RFX3: variants seen among roughly 807,000 people sequenced by gnomAD.
The protein encoded by RFX3 is regulatory factor X3.
A neutral mutation model predicts 98.6 loss-of-function variants in RFX3; 14 were observed. The ratio of observed to expected loss-of-function variants is 0.14; its 90% confidence interval spans 0.09 to 0.22. The LOEUF (loss-of-function observed/expected upper bound fraction) is 0.22, where lower values mean the gene tolerates loss of function less well. Ranked by LOEUF, RFX3 falls within the 10% of genes least tolerant of loss-of-function variation. The pLI is 1.00. For synonymous variants in RFX3, 383 were observed against 328.4 expected, an observed-to-expected ratio of 1.17 and a Z score of -1.80; for missense variants, 639 against 926.9, an observed-to-expected ratio of 0.69 and a Z score of 4.03.
intron 7 of RFX3, among the ~76,000 whole-genome samples, chr9:3,279,564 G>T (rs565649230): frequency 6.1e-4 from 92 of 151,846 alleles, no homozygotes; most frequent in Non-Finnish European, 1.1e-3. Context: ...CATACTACAG[G>T]TGCTTAATAG....
intron 2 of RFX3, among the ~76,000 whole-genome samples, chr9:3,357,570 A>G (rs2131335696): frequency 6.6e-6 from 1 of 152,146 alleles, no homozygotes; most frequent in East Asian, 1.9e-4. Context: ...ATTACAACCA[A>G]ATTTCACCGG....
Position 3,389,377 on chromosome 9 carries a change from G to A in RFX3, c.117+6095C>T, listed in dbSNP as rs552907963. ...TAGTCATATTCTATAGAGACCCATT[G>A]GTCCAAAAAGTCTTTATAAAGATGA... On this transcript the variant is annotated intron_variant, in intron 2 of 16. Transcript: ENST00000617270. 3.1e-3 allele frequency among the ~76,000 whole-genome samples: 475 copies of A among 152,116 alleles called. 4 individuals are homozygous for A. The highest frequency in any genetic ancestry group is 4.0e-3 in the Non-Finnish European group (274 of 67,970).
At position 3,225,155 on chromosome 9, in the gene RFX3, C is replaced by G; in HGVS notation, c.2137G>C (p.Glu713Gln). 2 of 1,613,948 alleles carry G rather than the reference C, an allele frequency of 1.2e-6. No individual in the cohort carries two copies. Among genetic ancestry groups the G allele is most frequent in the Non-Finnish European group, 1.7e-6 (2 of 1,179,948 alleles). ...AGGAGGCTTGGTTGCACGCCAGTCT[C>G]GAGAACAGGCTGCATGCAGCCCACT... is the stretch of plus-strand genomic sequence containing the variant. ...FPVGCMQPVL[E>Q]TGVQPSLLNP... is the part of the protein sequence containing the mutation. The change falls in exon 17 of 17, where the codon GAG (glutamate) becomes CAG (glutamine). Residue 713 changes from glutamate to glutamine, a missense_variant. This residue lies in a region of RFX3 where 129 missense variants were observed against 124.6 expected (regional missense o/e 1.04). Transcript: ENST00000617270.
intron 1 of RFX3, among the ~76,000 whole-genome samples, chr9:3,480,814 AG>A (rs1185227501): frequency 2.7e-5 from 4 of 146,672 alleles, no homozygotes; most frequent in Non-Finnish European, 5.9e-5. Flanking sequence ...CCTGTCTTAG[AG>A]GAACGCTGTA....
chr9:3,333,580 T>A (rs1238878009), intron 3 of RFX3, among the ~76,000 whole-genome samples: 1 of 152,140 alleles, frequency 6.6e-6, no homozygotes, highest in African/African-American at 2.4e-5. Flanking sequence ...GCCATGTTGG[T>A]TTCAAATTTA....
At chr9:3,237,354 GT>G (rs1449746805) in intron 15 of RFX3, among the ~76,000 whole-genome samples, 2 of 152,138 alleles carry the variant, frequency 1.3e-5, no homozygotes, top group Admixed American at 1.3e-4. Flanking sequence ...TTCAAAAATT[GT>G]TTGCAGAGTA....
intron 1 of RFX3, among the ~76,000 whole-genome samples, chr9:3,510,875 G>C (rs954626483): frequency 6.6e-6 from 1 of 151,810 alleles, no homozygotes; most frequent in Admixed American, 6.6e-5. Flanking sequence ...AAATCTAATA[G>C]GCAGAATTAC....
chr9:3,276,787 A>C (rs1825285669), intron 8 of RFX3, among the ~76,000 whole-genome samples: 1 of 152,052 alleles, frequency 6.6e-6, no homozygotes, highest in Non-Finnish European at 1.5e-5. Context: ...TTAAAGTGCC[A>C]CTTTTTTGCC....
Position 3,369,408 on chromosome 9 carries a change from C to G in RFX3, c.118-22644G>C, listed in dbSNP as rs146366764. ...CATAACCTAATCATTTCCTAAAATC[C>G]CCACCTTCTAATACCATCACTTTGG... On this transcript the variant is annotated intron_variant, in intron 2 of 16. Coordinates refer to ENST00000617270, the MANE Select transcript of RFX3 (RefSeq NM_001282116.2). Among the ~76,000 whole-genome samples, 280 of 152,202 alleles carry G rather than the reference C, an allele frequency of 1.8e-3. 2 individuals carry two copies. The highest frequency in any genetic ancestry group is 6.6e-3 in the African/African-American group (272 of 41,502).
intron 1 of RFX3, among the ~76,000 whole-genome samples, chr9:3,492,864 T>C (rs79886933): frequency 0.026 from 3,954 of 152,304 alleles, 187 homozygotes; most frequent in African/African-American, 0.09. Context: ...ACCACTTCTT[T>C]ACTGATATGC....
chr9:3,285,984 T>C (rs1826542626), intron 7 of RFX3, among the ~76,000 whole-genome samples: 1 of 151,822 alleles, frequency 6.6e-6, no homozygotes, highest in South Asian at 2.1e-4. Flanking sequence ...TGAAGGCTTC[T>C]ATTTCTATGA....
intron 1 of RFX3, among the ~76,000 whole-genome samples, chr9:3,457,150 A>T (rs1847259984): frequency 7.6e-6 from 1 of 130,942 alleles, no homozygotes; most frequent in Non-Finnish European, 1.7e-5. Flanking sequence ...AAAAAAAAAA[A>T]AAAAAAAAAA....
intron 1 of RFX3, chr9:3,488,711 C>A (rs1405086971): frequency 8.0e-6 from 7 of 877,172 alleles, no homozygotes; most frequent in Non-Finnish European, 8.2e-6. Context: ...CTCTTTCAAC[C>A]TTATATCCAT....
At chr9:3,252,258 G>C (rs1046025410) in intron 14 of RFX3, among the ~76,000 whole-genome samples, 28 of 152,058 alleles carry the variant, frequency 1.8e-4, no homozygotes, top group Non-Finnish European at 2.8e-4. Flanking sequence ...CCTACTCTGC[G>C]GCAGGGTCTT....
chr9:3,340,908 A>G (rs528856751), intron 3 of RFX3, among the ~76,000 whole-genome samples: 8 of 152,236 alleles, frequency 5.3e-5, no homozygotes, highest in East Asian at 3.9e-4. Flanking sequence ...TACTGGGTAC[A>G]TACCCAAAGG....
rs180957347 is a variant in RFX3 at position 3,276,163 on chromosome 9, C to T, written c.974-551G>A. On this transcript the variant is annotated intron_variant, in intron 8 of 16. Coordinates refer to ENST00000617270, the MANE Select transcript of RFX3 (RefSeq NM_001282116.2). ...TGCAACAAGGATCAGTATTGACTGC[C>T]GCAGCACAGGATCTTTTGGGTCTGA... Among the ~76,000 whole-genome samples the T allele has an allele frequency of 8.2e-4, 125 of 152,160 alleles. 1 individual carries two copies. The highest frequency in any genetic ancestry group is 1.2e-3 in the Admixed American group (19 of 15,242).
chr9:3,359,275 C>A (rs878975423), intron 2 of RFX3, among the ~76,000 whole-genome samples: 1 of 152,036 alleles, frequency 6.6e-6, no homozygotes, highest in Admixed American at 6.6e-5. Context: ...CTCATTCTAC[C>A]AGTGAGAAGT....
At chr9:3,366,698 C>CTTTCTTTCTTTCT (rs990281905) in intron 2 of RFX3, among the ~76,000 whole-genome samples, 1 of 61,744 alleles carries the variant, frequency 1.6e-5, no homozygotes, top group Admixed American at 1.7e-4. Flanking sequence ...TCTTTCCTTT[C>CTTTCTTTCTTTCT]TTTCTTTCTT....
chr9:3,350,065 T>A (rs1834923569), intron 2 of RFX3, among the ~76,000 whole-genome samples: 1 of 152,136 alleles, frequency 6.6e-6, no homozygotes, highest in African/African-American at 2.4e-5. Context: ...GGTTTGGTGA[T>A]GCCTTTTTAG....
Sources: gnomAD v4.1 joint callset for allele counts (sites outside exome capture counted in the v4.1 genomes callset) on GRCh38, gnomAD v4.1.1 for gene constraint, gnomAD v4.1.1 regional missense constraint, MANE v1.5 for transcripts, NCBI Gene and HGNC (gene_info 2026-07-23, HGNC 2026-07-21) for gene names.